MEPCE: variants seen among roughly 807,000 people sequenced by gnomAD.
The protein encoded by MEPCE is 7SK snRNA methylphosphate capping enzyme.
Under a neutral mutation model 52.3 loss-of-function variants are expected in MEPCE, and 9 were observed. The ratio of observed to expected loss-of-function variants is 0.17; its 90% CI spans 0.10 to 0.30. The LOEUF is 0.30. MEPCE is among the 10% of genes least tolerant of loss of function. The pLI is 1.00. For synonymous variants in MEPCE, 477 were observed against 401.6 expected (o/e 1.19, Z -2.25); for missense variants, 826 against 933.0 (o/e 0.89, Z 1.49).
In MEPCE at chr7:100,431,045, C is replaced by T. The variant is rs1408555711; in HGVS notation, c.1027C>T (p.Leu343=). 6 of 1,613,910 alleles carry T rather than the reference C, an allele frequency of 3.7e-6. No homozygotes were observed. The highest frequency in any genetic ancestry group is 1.7e-5 in the Admixed American group (1 of 60,024). Residue 343 remains leucine, a synonymous_variant, in exon 1 of 4, where the codon CTA becomes TTA. Transcript: ENST00000310512. ...PSALQGPSGS[L]SAPPAASVIS... is the part of the protein sequence containing the mutation. ...TGCTCTGCAGGGTCCCTCAGGCTCCCTATCAGCCCCTCCAGCTGCCTCAGT... is the reference window on the plus strand; with the variant it reads ...TGCTCTGCAGGGTCCCTCAGGCTCCTTATCAGCCCCTCCAGCTGCCTCAGT...
rs760505363 is a variant in MEPCE at position 100,430,779 on chromosome 7, C to T, written c.761C>T (p.Ser254Leu). The T allele has an allele frequency of 6.8e-6, 11 of 1,613,746 alleles. No individual in the cohort carries two copies. The highest frequency in any genetic ancestry group is 5.5e-5 in the South Asian group (5 of 91,090). Residue 254 changes from serine to leucine, a missense_variant, in exon 1 of 4, where the codon TCG becomes TTG. Physicochemically the swap from Ser to Leu is moderately radical, Grantham distance 145. Transcript: ENST00000310512. The stretch of plus-strand genomic sequence containing the variant: ...GATGAGGGCCATGTAGTTCTTGCTT[C>T]GCCACTCAAGACTGGTCGGAAGCGG... ...CTDEGHVVLA[S>L]PLKTGRKRHR...
Position 100,433,528 on chromosome 7 carries a change from C to T in MEPCE, c.2044C>T (p.His682Tyr). The change falls in exon 4 of 4, where the codon CAC (histidine) becomes TAC (tyrosine). Residue 682 changes from histidine (H) to tyrosine (Y), a missense_variant. By Grantham distance (83) the His-to-Tyr change is moderately conservative (BLOSUM62 2). This residue lies in a region of MEPCE where 82 missense variants were observed against 121.4 expected (regional missense o/e 0.68). Coordinates refer to ENST00000310512, the MANE Select transcript of MEPCE (RefSeq NM_019606.6). ...CTTCCAGCGTCCTGTGTACCTGTTC[C>T]ACAAGGCCCGATCCCCCAGCCACTA... ...KGFQRPVYLF[H>Y]KARSPSH The T allele has an allele frequency of 3.7e-6, 6 of 1,613,592 alleles. No individual in the cohort carries two copies. The highest frequency in any genetic ancestry group is 5.1e-6 in the Non-Finnish European group (6 of 1,180,020).
chr7:100,429,352 A>T (rs1188845498), upstream of MEPCE: 1 of 152,180 alleles, frequency 6.6e-6, no homozygotes, highest in African/African-American at 2.4e-5. Flanking sequence ...CGCAAGCCCA[A>T]AAGGGTGTGC....
chr7:100,430,072 G>A lies in MEPCE; in HGVS notation c.54G>A (p.Pro18=). ...CGTTTCTGGTGCCGGCCCCGCCGCC[G>A]CCGCTCAAAGATGAGTCGGGCGGAG... The part of the protein sequence containing the change: ...KEPFLVPAPP[P]PLKDESGGGG... Residue 18 remains proline (P), a synonymous_variant, in exon 1 of 4, where the codon CCG becomes CCA. Coordinates refer to ENST00000310512, the MANE Select transcript of MEPCE (RefSeq NM_019606.6). The A allele has an allele frequency of 1.6e-6, 2 of 1,264,150 alleles. No homozygotes were observed. Among genetic ancestry groups the A allele is most frequent in the Middle Eastern group, 2.2e-4 (1 of 4,476 alleles). 78.3% of individuals were successfully genotyped at this position (1,264,150 alleles called of 1,614,324 possible). A position where few individuals can be genotyped will look rare whatever the true frequency, so the allele number is the denominator to read the frequency against.
At chr7:100,429,272 G>A (rs1248316598), upstream of MEPCE, 3 of 152,248 alleles carry the variant, frequency 2.0e-5, no homozygotes, top group Non-Finnish European at 4.4e-5. Flanking sequence ...ACTTAAGGAA[G>A]CGACGTCACA....
At position 100,429,868 on chromosome 7, in the gene MEPCE, G is replaced by A; in HGVS notation, c.-151G>A. On this transcript the variant is annotated 5_prime_UTR_variant, in exon 1 of 4. Coordinates refer to ENST00000310512, the MANE Select transcript of MEPCE (RefSeq NM_019606.6). ...TCTCGCGGGCTAGTAGGGCGCACTTGGCGGGGAGGCGCTTGGGCGCGAGAC... is the reference window on the plus strand; with the variant it reads ...TCTCGCGGGCTAGTAGGGCGCACTTAGCGGGGAGGCGCTTGGGCGCGAGAC... The A allele has an allele frequency of 1.7e-6, 1 of 603,062 alleles. No homozygotes were observed. Among genetic ancestry groups the A allele is most frequent in the Non-Finnish European group, 2.4e-6 (1 of 413,796 alleles). The allele number at this position is 603,062 out of a possible 1,614,324, so 37.4% of individuals were successfully genotyped here. A position where few individuals can be genotyped will look rare whatever the true frequency, so the allele number is the denominator to read the frequency against.
At position 100,431,242 on chromosome 7, in the gene MEPCE, GCAA is replaced by G. The variant is rs1563163804; in HGVS notation, c.1227_1229del (p.Gln410del). On this transcript the variant is annotated inframe_deletion, in exon 1 of 4. Coordinates refer to ENST00000310512, the MANE Select transcript of MEPCE (RefSeq NM_019606.6). ...CACTGCCTGCAGCAGGCTTCAAAAA[GCAA>G]CAGCGCAAGTTCCAGTATGGGAATT... The G allele has an allele frequency of 1.9e-6, 3 of 1,613,980 alleles. No individual in the cohort carries two copies. In the Admixed American group the frequency reaches 5.0e-5, roughly 27 times the overall value.
At chr7:100,432,879 G>C (rs762862360) in intron 1 of MEPCE, 40 bp from the exon 2 acceptor site, 3 of 1,591,886 alleles carry the variant, frequency 1.9e-6, no homozygotes, top group Non-Finnish European at 2.6e-6. Flanking sequence ...GGGGTTCTTT[G>C]ATTCCCTCAG....
Position 100,431,303 on chromosome 7 carries a change from T to G in MEPCE, c.1285T>G (p.Cys429Gly), listed in dbSNP as rs774855291. 5 of 1,614,016 alleles carry G rather than the reference T, an allele frequency of 3.1e-6. No individual in the cohort carries two copies. Among genetic ancestry groups the G allele is most frequent in the Non-Finnish European group, 3.4e-6 (4 of 1,180,030 alleles). ...ATACTATGGGTACCGCAATCCTTCC[T>G]GTGAGGATGGGCGCCTTCGGGTGTT... The part of the protein sequence containing the change: ...CKYYGYRNPS[C>G]EDGRLRVLKP... The change falls in exon 1 of 4, where the codon TGT becomes GGT. Residue 429 changes from cysteine to glycine, a missense_variant. By Grantham distance (159) the Cys-to-Gly change is radical. Coordinates refer to ENST00000310512, the MANE Select transcript of MEPCE (RefSeq NM_019606.6).
upstream of MEPCE, chr7:100,429,094 TC>T (rs1406405528): frequency 1.3e-5 from 2 of 152,218 alleles, no homozygotes; most frequent in African/African-American, 4.8e-5. Flanking sequence ...CTCCCGCCCT[TC>T]CTTGGCTTTG....
rs377527642 is a variant in MEPCE, at chr7:100,430,672, C to A, written c.654C>A (p.Pro218=). The change falls in exon 1 of 4, where the codon CCC becomes CCA. Residue 218 remains proline, a synonymous_variant. Coordinates refer to ENST00000310512, the MANE Select transcript of MEPCE (RefSeq NM_019606.6). The part of the protein sequence containing the change: ...TLNAETPKSS[P]LPAKGRDPVE... The stretch of plus-strand genomic sequence containing the variant: ...ACGCGGAGACCCCTAAGTCATCCCC[C>A]CTTCCGGCCAAAGGGCGAGATCCGG... 5.0e-6 allele frequency: 8 copies of A among 1,613,742 alleles called. No homozygotes were observed. Among genetic ancestry groups the A allele is most frequent in the Middle Eastern group, 1.6e-4 (1 of 6,084 alleles).
At chr7:100,432,892 G>A (rs1798761983) in intron 1 of MEPCE, 27 bp from the exon 2 acceptor site, 2 of 1,606,156 alleles carry the variant, frequency 1.2e-6, no homozygotes, top group South Asian at 2.2e-5. Context: ...TCCCTCAGTT[G>A]ACCTCACTGC....
At chr7:100,432,637 C>T (rs1276653016) in intron 1 of MEPCE, among the ~76,000 whole-genome samples, 2 of 152,202 alleles carry the variant, frequency 1.3e-5, no homozygotes, top group African/African-American at 2.4e-5. Flanking sequence ...TCCTGGGACC[C>T]TAGCTTTGGA....
rs1048428397 is a variant in MEPCE, at chr7:100,430,834, G to T, written c.816G>T (p.Gln272His). Reference protein sequence around the residue: ...RHRHRGQHHQQQQAAGGSESH... With the variant: ...RHRHRGQHHQHQQAAGGSESH... ...GACACCGGGGACAGCACCACCAGCAGCAGCAGGCAGCCGGAGGGAGTGAGA... is the reference window on the plus strand; with the variant it reads ...GACACCGGGGACAGCACCACCAGCATCAGCAGGCAGCCGGAGGGAGTGAGA... Residue 272 changes from glutamine (Q) to histidine (H), a missense_variant, in exon 1 of 4, where the codon CAG (glutamine) becomes CAT (histidine). By Grantham distance (24) the Gln-to-His change is conservative (BLOSUM62 0). Around this residue, in one of 7 missense-constraint regions of MEPCE, gnomAD observed 307 missense variants for 292.1 expected, o/e 1.05. Transcript: ENST00000310512. The T allele has an allele frequency of 1.8e-5, 29 of 1,611,646 alleles. No homozygotes were observed. Among genetic ancestry groups the T allele is most frequent in the Non-Finnish European group, 2.5e-5 (29 of 1,178,430 alleles).
Position 100,430,003 on chromosome 7 carries a change from G to A in MEPCE, c.-16G>A. On this transcript the variant is annotated 5_prime_UTR_variant, in exon 1 of 4. Transcript: ENST00000310512. ...TCCCCCTCGTTACCCCGACTGGCAC[G>A]GAATAAGGGGAGGAAATGATCGAGA... 1 of 1,248,814 alleles carries A rather than the reference G, an allele frequency of 8.0e-7. No homozygotes were observed. Among genetic ancestry groups the A allele is most frequent in the African/African-American group, 1.5e-5 (1 of 64,646 alleles). The allele number at this position is 1,248,814 out of a possible 1,614,324, so 77.4% of individuals were successfully genotyped here.
Position 100,433,494 on chromosome 7 carries a change from C to G in MEPCE, c.2018-8C>G. The G allele has an allele frequency of 6.2e-7, 1 of 1,614,056 alleles. No individual in the cohort carries two copies. Among genetic ancestry groups the G allele is most frequent in the South Asian group, 1.1e-5 (1 of 91,074 alleles). ...CCAACCCCTTCTGATCACTCTCTCT[C>G]CCCTCAGGCTTCCAGCGTCCTGTGT... On this transcript the variant is annotated splice_polypyrimidine_tract_variant and splice_region_variant and intron_variant, in intron 3 of 3. Coordinates refer to ENST00000310512, the MANE Select transcript of MEPCE (RefSeq NM_019606.6).
rs1798529568 is a variant in MEPCE at position 100,429,916 on chromosome 7, G to T, written c.-103G>T. The T allele has an allele frequency of 1.1e-6, 1 of 939,852 alleles. No homozygotes were observed. Among genetic ancestry groups the T allele is most frequent in the Non-Finnish European group, 1.4e-6 (1 of 721,340 alleles). The allele number at this position is 939,852 out of a possible 1,614,324, so 58.2% of individuals were successfully genotyped here. On this transcript the variant is annotated 5_prime_UTR_variant, in exon 1 of 4. Coordinates refer to ENST00000310512, the MANE Select transcript of MEPCE (RefSeq NM_019606.6). ...GACTAGGCGTGAAGAGCAGAGCTGC[G>T]CGCGCACTCGGGAAAGGGGGGAAGG... is the stretch of plus-strand genomic sequence containing the variant.
chr7:100,429,372 G>GCC (rs757360679), upstream of MEPCE: 1 of 152,350 alleles, frequency 6.6e-6, no homozygotes, highest in Non-Finnish European at 1.5e-5. Flanking sequence ...CGCAGGCGCT[G>GCC]CCCACTAGGG....
Position 100,433,879 on chromosome 7 carries a change from C to CCTATTCTCGAGCCCTT in MEPCE, c.*333_*334insGAGCCCTTCTATTCTC. The CCTATTCTCGAGCCCTT allele has an allele frequency of 2.8e-6, 1 of 355,238 alleles. No individual in the cohort carries two copies. The highest frequency in any genetic ancestry group is 5.2e-6 in the Non-Finnish European group (1 of 192,938). The allele number at this position is 355,238 out of a possible 1,614,324, so 22.0% of individuals were successfully genotyped here. A position where few individuals can be genotyped will look rare whatever the true frequency, so the allele number is the denominator to read the frequency against. ...ATATCAAATTCTCTAGCCCTTTCCTCCTATTCTCCCAAGGAGAGAGATTCC... is the reference window on the plus strand; with the variant it reads ...ATATCAAATTCTCTAGCCCTTTCCTCCTATTCTCGAGCCCTTCTATTCTCCCAAGGAGAGAGATTCC... On this transcript the variant is annotated 3_prime_UTR_variant, in exon 4 of 4. Coordinates refer to ENST00000310512, the MANE Select transcript of MEPCE (RefSeq NM_019606.6).
Sources: allele counts gnomAD v4.1 joint callset (sites outside exome capture counted in the v4.1 genomes callset), GRCh38; gene constraint gnomAD v4.1.1; regional missense constraint gnomAD v4.1.1; transcripts MANE v1.5; gene names NCBI Gene and HGNC (gene_info 2026-07-23, HGNC 2026-07-21).